The following KLF12 variants were observed in gnomAD, a reference collection of about 807,000 sequenced individuals.
KLF12 encodes KLF transcription factor 12, also known as Krueppel-like factor 12.
A neutral mutation model predicts 37.8 loss-of-function variants in KLF12; 9 were observed. That is an observed-to-expected ratio of 0.24 (90% CI 0.14 to 0.42). KLF12 has a LOEUF of 0.42. KLF12 is among the 10% of genes least tolerant of loss of function. KLF12 has a pLI of 1.00. For synonymous variants in KLF12, 208 were observed against 202.1 expected (o/e 1.03, Z -0.25); for missense variants, 411 against 516.0 (o/e 0.80, Z 1.97).
chr13:73,789,258 C>T (rs1881522997), intron 5 of KLF12, among the ~76,000 whole-genome samples: 1 of 152,140 alleles, frequency 6.6e-6, no homozygotes, highest in Non-Finnish European at 1.5e-5. Context: ...TTTAGAGTCA[C>T]AAAATACCTT....
the KLF12 span, among the ~76,000 whole-genome samples, chr13:74,152,885 G>GATA: frequency 0.028 from 3,840 of 138,956 alleles, 55 homozygotes; most frequent in Middle Eastern, 0.029. Flanking sequence ...CCCCATTACA[G>GATA]ATAATAATAA....
At position 73,914,028 on chromosome 13, in the gene KLF12, G is replaced by A. The variant is rs139576318; in HGVS notation, c.123+29953C>T. On this transcript the variant is annotated intron_variant, in intron 3 of 7. Transcript: ENST00000377669. ...AATTTATTTTTAATCTTTGCTGGTC[G>A]CTGGCCAGCCCAGCTCTGAGTCTTT... Among the ~76,000 whole-genome samples, 19 of 152,182 alleles carry A rather than the reference G, an allele frequency of 1.2e-4. No homozygotes were observed. In the East Asian group the frequency reaches 3.5e-3, roughly 28 times the overall value.
At chr13:74,255,205 G>A in the KLF12 span, among the ~76,000 whole-genome samples, 1 of 152,178 alleles carries the variant, frequency 6.6e-6, no homozygotes, top group Non-Finnish European at 1.5e-5. Context: ...ATAATGGTTA[G>A]CATGGTAACT....
intron 4 of KLF12, among the ~76,000 whole-genome samples, chr13:73,818,310 G>A (rs886209616): frequency 2.0e-5 from 3 of 152,160 alleles, no homozygotes; most frequent in African/African-American, 7.2e-5. Flanking sequence ...TGCGCCGGCC[G>A]AACACTTTTT....
intron 6 of KLF12, among the ~76,000 whole-genome samples, chr13:73,738,226 C>T (rs543174681): frequency 1.4e-3 from 208 of 150,796 alleles, no homozygotes; most frequent in African/African-American, 4.9e-3. Context: ...CTCACTGCAA[C>T]CTCCACCTCC....
chr13:73,996,402 T>C (rs149694519), intron 1 of KLF12, among the ~76,000 whole-genome samples: 3 of 152,362 alleles, frequency 2.0e-5, no homozygotes, highest in African/African-American at 7.2e-5. Flanking sequence ...CTTTCTAGTC[T>C]TCAAAATATA....
chr13:73,906,734 TTG>T (rs1382720587), intron 3 of KLF12, among the ~76,000 whole-genome samples: 1 of 152,184 alleles, frequency 6.6e-6, no homozygotes, highest in Non-Finnish European at 1.5e-5. Flanking sequence ...TGAAAAATGA[TTG>T]TGACCTGCCT....
chr13:73,696,970 C>G (rs1414912277), intron 7 of KLF12, among the ~76,000 whole-genome samples: 1 of 152,216 alleles, frequency 6.6e-6, no homozygotes, highest in South Asian at 2.1e-4. Context: ...TTTAGACGCC[C>G]TTCTGTACCA....
At chr13:73,999,516 G>A (rs188184922) in intron 1 of KLF12, among the ~76,000 whole-genome samples, 3 of 151,918 alleles carry the variant, frequency 2.0e-5, no homozygotes, top group East Asian at 1.9e-4. Flanking sequence ...GGCAGATCAC[G>A]AGGTCAGGAG....
At chr13:74,040,517 A>C (rs748382054) in intron 1 of KLF12, among the ~76,000 whole-genome samples, 1 of 152,184 alleles carries the variant, frequency 6.6e-6, no homozygotes, top group Non-Finnish European at 1.5e-5. Context: ...AATGAAAAAG[A>C]CTTCCAGTAT....
chr13:73,976,478 T>C (rs990995485), intron 2 of KLF12, among the ~76,000 whole-genome samples: 8 of 152,102 alleles, frequency 5.3e-5, no homozygotes, highest in African/African-American at 9.7e-5. Context: ...TCCCTTTATC[T>C]CTATGTCAGG....
At chr13:73,913,022 T>C (rs570252912) in intron 3 of KLF12, among the ~76,000 whole-genome samples, 1 of 152,062 alleles carries the variant, frequency 6.6e-6, no homozygotes, top group African/African-American at 2.4e-5. Context: ...CTGGCCAAGA[T>C]GAGCACTGTG....
the KLF12 span, among the ~76,000 whole-genome samples, chr13:74,145,471 C>G: frequency 6.6e-6 from 1 of 152,094 alleles, no homozygotes; most frequent in African/African-American, 2.4e-5. Flanking sequence ...ACTGGGCAGC[C>G]GCTGAGATAA....
chr13:73,910,416 T>C (rs73524887), intron 3 of KLF12, among the ~76,000 whole-genome samples: 3,926 of 152,308 alleles, frequency 0.026, 93 homozygotes, highest in South Asian at 0.082. Flanking sequence ...TAACACTATA[T>C]AATAATCTTA....
At chr13:73,853,513 G>A (rs1036718195) in intron 3 of KLF12, among the ~76,000 whole-genome samples, 2 of 152,144 alleles carry the variant, frequency 1.3e-5, no homozygotes, top group African/African-American at 2.4e-5. Flanking sequence ...GAGGCCAGCA[G>A]ATCATCTGAG....
intron 7 of KLF12, 78 bp downstream of exon 7, chr13:73,715,290 G>A (rs552167660): frequency 4.5e-6 from 6 of 1,318,856 alleles, no homozygotes; most frequent in African/African-American, 1.5e-5. Flanking sequence ...GAATGAGTAC[G>A]AAAGGCTCCC....
intron 3 of KLF12, among the ~76,000 whole-genome samples, chr13:73,855,702 C>T (rs796800297): frequency 1.3e-5 from 2 of 152,228 alleles, no homozygotes; most frequent in African/African-American, 4.8e-5. Context: ...ATTTACATTC[C>T]CAACCAAGGG....
At chr13:73,935,350 T>TTA (rs1889881510) in intron 3 of KLF12, among the ~76,000 whole-genome samples, 1 of 152,168 alleles carries the variant, frequency 6.6e-6, no homozygotes, top group Non-Finnish European at 1.5e-5. Context: ...GCAGTATCTA[T>TTA]TAATGTCATC....
At chr13:73,723,574 TC>T (rs1876434652) in intron 6 of KLF12, among the ~76,000 whole-genome samples, 1 of 152,136 alleles carries the variant, frequency 6.6e-6, no homozygotes, top group Non-Finnish European at 1.5e-5. Flanking sequence ...AGCCCTGCCC[TC>T]CTCATTCTGG....
Sources: gnomAD v4.1 joint callset for allele counts (sites outside exome capture counted in the v4.1 genomes callset) on GRCh38, gnomAD v4.1.1 for gene constraint, MANE v1.5 for transcripts, NCBI Gene and HGNC (gene_info 2026-07-23, HGNC 2026-07-21) for gene names.